The following KDM4C variants were observed in gnomAD, a reference collection of about 807,000 sequenced individuals.
The protein encoded by KDM4C is lysine-specific demethylase 4C.
In KDM4C, 81 loss-of-function variants were observed where a neutral mutation model predicts 129.3. The observed-to-expected ratio is 0.63, with a 90% CI of 0.52 to 0.75. KDM4C has a LOEUF of 0.75. Among genes scored for constraint, KDM4C ranks in the 30% least tolerant of loss-of-function variants. KDM4C has a pLI of 0.00. For synonymous variants in KDM4C, 573 were observed against 456.1 expected, an observed-to-expected ratio of 1.26 and a Z score of -3.26; for missense variants, 1,457 against 1,304.0, an observed-to-expected ratio of 1.12 and a Z score of -1.81.
intron 4 of KDM4C, among the ~76,000 whole-genome samples, chr9:6,822,833 T>C (rs1833260453): frequency 6.6e-6 from 1 of 152,222 alleles, no homozygotes; most frequent in South Asian, 2.1e-4. Flanking sequence ...ATAACATTGC[T>C]GAGATGGCCA....
intron 8 of KDM4C, among the ~76,000 whole-genome samples, chr9:6,926,345 A>AAAAAAAAAAAC (rs1452737341): frequency 6.7e-6 from 1 of 148,816 alleles, no homozygotes; most frequent in Non-Finnish European, 1.5e-5. Context: ...AATTTGTAAA[A>AAAAAAAAAAAC]AAAAAAAAAA....
rs371362081 is a variant in KDM4C, at chr9:6,894,139, C to T, written c.921+907C>T. On this transcript the variant is annotated intron_variant, in intron 8 of 21. Transcript: ENST00000381309. ...CTTACATGTGGAGCCATCAGGTGAACGTAGACAGAAGTATATTTAGGGGAG... is the reference window on the plus strand; with the variant it reads ...CTTACATGTGGAGCCATCAGGTGAATGTAGACAGAAGTATATTTAGGGGAG... Among the ~76,000 whole-genome samples the T allele has an allele frequency of 5.9e-5, 9 of 152,144 alleles. No homozygotes were observed. The South Asian group carries it at 8.3e-4, about 14-fold the overall frequency.
Position 6,758,654 on chromosome 9 carries a change from T to C in KDM4C, c.-18+451T>C, listed in dbSNP as rs1376678423. On this transcript the variant is annotated intron_variant, in intron 1 of 21. Transcript: ENST00000381309. This position sits in a 1 kb window ranked among gnomAD's most constrained non-coding sequence, Gnocchi z 4.6. ...CGCGGGGTGAGGGTGGGAGCTCCTCTCCTGACCACCCGTTGCAGGCAGTCA... is the reference window on the plus strand; with the variant it reads ...CGCGGGGTGAGGGTGGGAGCTCCTCCCCTGACCACCCGTTGCAGGCAGTCA... Among the ~76,000 whole-genome samples the C allele has an allele frequency of 1.3e-5, 2 of 152,196 alleles. No individual in the cohort carries two copies. The highest frequency in any genetic ancestry group is 3.9e-4 in the East Asian group (2 of 5,190).
chr9:6,750,341 C>T (rs550645570), intron 1 of KDM4C, among the ~76,000 whole-genome samples: 3 of 151,166 alleles, frequency 2.0e-5, no homozygotes, highest in South Asian at 4.2e-4. Flanking sequence ...CAGGGGGCTA[C>T]GGCAGGAGAA....
chr9:6,869,065 A>AATTTACATGTATATGGTT (rs1307179500), intron 5 of KDM4C, among the ~76,000 whole-genome samples: 2 of 152,202 alleles, frequency 1.3e-5, no homozygotes, highest in Non-Finnish European at 2.9e-5. Context: ...TCGGGGAATT[A>AATTTACATGTATATGGTT]ATTTACATGT....
intron 5 of KDM4C, among the ~76,000 whole-genome samples, chr9:6,876,403 T>A (rs552581517): frequency 6.6e-6 from 1 of 152,144 alleles, no homozygotes; most frequent in Non-Finnish European, 1.5e-5. Flanking sequence ...CTGTTCCGTG[T>A]TGTTCTGTGA....
At chr9:6,811,975 C>G (rs1564069481) in intron 3 of KDM4C, among the ~76,000 whole-genome samples, 2 of 152,234 alleles carry the variant, frequency 1.3e-5, no homozygotes, top group South Asian at 2.1e-4. Context: ...AGTTACTAGC[C>G]AAGTCATTTA....
chr9:7,044,876 C>G (rs367963608), intron 15 of KDM4C, among the ~76,000 whole-genome samples: 1 of 151,842 alleles, frequency 6.6e-6, no homozygotes, highest in Non-Finnish European at 1.5e-5. Context: ...TTAAAGGAAA[C>G]TGAGGGTCAG....
chr9:6,930,683 A>T (rs1204435773), intron 8 of KDM4C, among the ~76,000 whole-genome samples: 1 of 69,148 alleles, frequency 1.4e-5, no homozygotes, highest in African/African-American at 6.9e-5. Context: ...AATATATAAT[A>T]TATTAATTAT....
At chr9:6,742,808 T>C (rs1563922073) in intron 1 of KDM4C, among the ~76,000 whole-genome samples, 1 of 151,958 alleles carries the variant, frequency 6.6e-6, no homozygotes, top group African/African-American at 2.4e-5. Context: ...TCTCCTTCCT[T>C]GGGGAGTTTG....
In KDM4C at chr9:7,128,185, C is replaced by T. The variant is rs527574365; in HGVS notation, c.2730C>T (p.Val910=). 833 of 1,610,102 alleles carry T rather than the reference C, an allele frequency of 5.2e-4. 10 individuals are homozygous for T. The South Asian group carries it at 8.7e-3, about 17-fold the overall frequency. ...TGACATCGCAGACCTTCTATGAGGTCATGTTTGATGATGGCTCCTTTAGCA... is the reference window on the plus strand; with the variant it reads ...TGACATCGCAGACCTTCTATGAGGTTATGTTTGATGATGGCTCCTTTAGCA... The part of the protein sequence containing the change: ...MAVTSQTFYE[V]MFDDGSFSRD... The change falls in exon 19 of 22, where the codon GTC becomes GTT. Residue 910 remains valine (V), a synonymous_variant. Transcript: ENST00000381309.
chr9:6,816,553 T>C (rs759734095), intron 4 of KDM4C, among the ~76,000 whole-genome samples: 4 of 152,254 alleles, frequency 2.6e-5, no homozygotes, highest in Non-Finnish European at 5.9e-5. Flanking sequence ...TGGCTTCTTA[T>C]ACTTCATACC....
intron 8 of KDM4C, among the ~76,000 whole-genome samples, chr9:6,927,156 GTC>G (rs2131270408): frequency 6.7e-6 from 1 of 148,720 alleles, no homozygotes; most frequent in South Asian, 2.2e-4. Flanking sequence ...TTGAGACAGA[GTC>G]TCTCTTTGTT....
intron 17 of KDM4C, chr9:7,077,173 A>G (rs142583358): frequency 2.5e-4 from 248 of 985,378 alleles, no homozygotes; most frequent in East Asian, 6.8e-4. Flanking sequence ...GCTGAAGCTC[A>G]TGTTATCACA....
chr9:7,074,419 G>C (rs12683329), intron 17 of KDM4C, among the ~76,000 whole-genome samples: 2 of 151,964 alleles, frequency 1.3e-5, no homozygotes, highest in Admixed American at 1.3e-4. Flanking sequence ...CACCCACCTT[G>C]GTCTGCCAAA....
intron 1 of KDM4C, among the ~76,000 whole-genome samples, chr9:6,789,202 C>A (rs1448521585): frequency 1.3e-5 from 2 of 149,470 alleles, no homozygotes; most frequent in African/African-American, 5.0e-5. Flanking sequence ...TAGGCGCTCA[C>A]CATCACGCCT....
chr9:7,143,520 C>T (rs1216405731), intron 19 of KDM4C, among the ~76,000 whole-genome samples: 4 of 152,146 alleles, frequency 2.6e-5, no homozygotes, highest in South Asian at 2.1e-4. Context: ...ATCAGTAAAG[C>T]GAAATTTACC....
intron 4 of KDM4C, among the ~76,000 whole-genome samples, chr9:6,816,422 G>A (rs1487855367): frequency 2.0e-5 from 3 of 150,768 alleles, no homozygotes; most frequent in Non-Finnish European, 4.5e-5. Flanking sequence ...TCCTCCAAAG[G>A]TAACTAGATC....
intron 8 of KDM4C, among the ~76,000 whole-genome samples, chr9:6,918,052 A>C (rs1296416613): frequency 1.3e-5 from 2 of 152,156 alleles, no homozygotes; most frequent in African/African-American, 4.8e-5. Context: ...CAGAGGGTAG[A>C]TGTGCAGGTT....
Sources: allele counts gnomAD v4.1 joint callset (sites outside exome capture counted in the v4.1 genomes callset), GRCh38; gene constraint gnomAD v4.1.1; non-coding constraint Gnocchi (gnomAD v3.1); transcripts MANE v1.5; gene names NCBI Gene and HGNC (gene_info 2026-07-23, HGNC 2026-07-21).